MITD1: variants seen among roughly 807,000 people sequenced by gnomAD.
MITD1 encodes the protein MIT domain-containing protein 1.
A neutral mutation model predicts 34.9 loss-of-function variants in MITD1; 24 were observed. The ratio of observed to expected loss-of-function variants is 0.69; its 90% CI spans 0.50 to 0.97. The LOEUF is 0.97. Among genes scored for constraint, MITD1 ranks in the 50% least tolerant of loss-of-function variants. MITD1 has a pLI of 0.00. For missense variants in MITD1, 266 were observed against 294.6 expected (o/e 0.90, Z 0.71); for synonymous variants, 102 against 101.4 (o/e 1.01, Z -0.04).
intron 7 of MITD1, chr2:99,163,103 G>A: frequency 7.4e-7 from 1 of 1,355,726 alleles, no homozygotes; most frequent in Non-Finnish European, 9.7e-7. Context: ...TCTTAATACA[G>A]TTTCAATTAG....
downstream of MITD1, among the ~76,000 whole-genome samples, chr2:99,166,858 A>AATATATATATATATATATAT (rs10584187): frequency 1.0e-3 from 117 of 115,356 alleles, 1 homozygote; most frequent in South Asian, 2.5e-3. Flanking sequence ...TGGGGTTTTA[A>AATATATATATATATATATAT]ATATATATAT....
rs193194065 is a variant in MITD1 at position 99,170,683 on chromosome 2, G to A, written c.478-31C>T. 93 of 1,032,020 alleles carry A rather than the reference G, an allele frequency of 9.0e-5. No individual in the cohort carries two copies. The African/African-American group carries it at 1.1e-3, about 13-fold the overall frequency. The allele number at this position is 1,032,020 out of a possible 1,614,324, so 63.9% of individuals were successfully genotyped here. On this transcript the variant is annotated intron_variant, in intron 4 of 6. Transcript: ENST00000289359. ...AATAGCAAAAATACGATTATCTGCC[G>A]CAGTTATTATTACTATCTTAAATTA...
chr2:99,168,727 T>C (rs1053597237), downstream of MITD1, among the ~76,000 whole-genome samples: 1 of 152,156 alleles, frequency 6.6e-6, no homozygotes, highest in African/African-American at 2.4e-5. Flanking sequence ...ATTCTCTTAA[T>C]TGTAACAAAA....
At chr2:99,170,178 T>G (rs2093847848) in intron 5 of MITD1, among the ~76,000 whole-genome samples, 1 of 152,130 alleles carries the variant, frequency 6.6e-6, no homozygotes, top group African/African-American at 2.4e-5. Context: ...CCCTAAGAAG[T>G]AAAGCCACAT....
intron 1 of MITD1, among the ~76,000 whole-genome samples, chr2:99,176,672 G>A (rs1336305701): frequency 2.0e-5 from 3 of 146,868 alleles, no homozygotes; most frequent in Non-Finnish European, 4.6e-5. Flanking sequence ...GTGTATGTGT[G>A]CGTGTGTGTG....
chr2:99,178,653 G>A (rs1040076491), intron 1 of MITD1, among the ~76,000 whole-genome samples: 4 of 152,190 alleles, frequency 2.6e-5, no homozygotes, highest in African/African-American at 9.7e-5. Flanking sequence ...TGGTATTTGT[G>A]TAAAGGCCTG....
intron 2 of MITD1, 119 bp from the exon 3 acceptor site, chr2:99,171,765 C>T (rs2093859720): frequency 3.2e-6 from 3 of 944,480 alleles, no homozygotes; most frequent in Admixed American, 2.6e-5. Flanking sequence ...ACTTATTCAG[C>T]AAATACTTAT....
rs370947293 is a variant in MITD1 at position 99,162,781 on chromosome 2, A to G, written c.*4-563T>C. 41 of 1,614,036 alleles carry G rather than the reference A, an allele frequency of 2.5e-5. No homozygotes were observed. The highest frequency in any genetic ancestry group is 3.3e-5 in the Non-Finnish European group (39 of 1,179,978). ...CAAACTTGGGAGTGGATATATGGCA[A>G]AACTCCAAAGTTTAGTATAAATACT... On this transcript the variant is annotated intron_variant, in intron 7 of 7. Transcript: ENST00000422537.
chr2:99,176,639 T>C (rs2093888695), intron 1 of MITD1, among the ~76,000 whole-genome samples: 1 of 151,956 alleles, frequency 6.6e-6, no homozygotes, highest in African/African-American at 2.4e-5. Flanking sequence ...TCGTAAACTT[T>C]CTTAAAACAT....
At chr2:99,180,089 G>T (rs984077111) in intron 1 of MITD1, among the ~76,000 whole-genome samples, 4 of 152,082 alleles carry the variant, frequency 2.6e-5, no homozygotes, top group Non-Finnish European at 5.9e-5. Flanking sequence ...TGGGTGTTAA[G>T]GAATATTTGG....
intron 1 of MITD1, among the ~76,000 whole-genome samples, chr2:99,174,251 A>G (rs991794317): frequency 6.6e-6 from 1 of 152,164 alleles, no homozygotes; most frequent in Non-Finnish European, 1.5e-5. Flanking sequence ...ACTATGTCTC[A>G]TCTCTGGGAC....
intron 1 of MITD1, among the ~76,000 whole-genome samples, chr2:99,179,374 T>TA (rs2093903132): frequency 6.6e-6 from 1 of 152,152 alleles, no homozygotes; most frequent in Non-Finnish European, 1.5e-5. Flanking sequence ...CAATACTTTT[T>TA]ATGCTGTAAA....
chr2:99,177,782 C>T (rs2093896173), intron 1 of MITD1, among the ~76,000 whole-genome samples: 2 of 152,094 alleles, frequency 1.3e-5, no homozygotes, highest in African/African-American at 2.4e-5. Flanking sequence ...GGATTGCAGG[C>T]GTGAGCCACT....
In MITD1 at chr2:99,171,577, C is replaced by T. The variant is rs547453688; in HGVS notation, c.323G>A (p.Arg108His). 111 of 1,612,700 alleles carry T rather than the reference C, an allele frequency of 6.9e-5. No homozygotes were observed. The Middle Eastern group carries it at 8.3e-4, about 12-fold the overall frequency. ...ATGFSYESLF[R>H]EYLNETVTEV... ...TGTAACTGTCTCATTAAGGTATTCG[C>T]GAAAAAGTGACTCATAACTGAAACC... is the stretch of plus-strand genomic sequence containing the variant. The change falls in exon 3 of 7, where the codon CGC becomes CAC. Residue 108 changes from arginine (R) to histidine (H), a missense_variant. Arg to His is a conservative substitution (Grantham distance 29). Transcript: ENST00000289359.
chr2:99,162,188 TCAAAATCC>T, exon 8 of MITD1: 1 of 1,614,080 alleles, frequency 6.2e-7, no homozygotes, highest in Non-Finnish European at 8.5e-7. Flanking sequence ...TTGGTAGGCA[TCAAAATCC>T]TTGGCAGGAA....
chr2:99,181,029 G>C lies in MITD1; in HGVS notation c.-48C>G. 6.3e-7 allele frequency: 1 copy of C among 1,577,684 alleles called. No homozygotes were observed. The highest frequency in any genetic ancestry group is 2.3e-5 in the East Asian group (1 of 43,318). The stretch of plus-strand genomic sequence containing the variant: ...CTCAACCCAGGATGAAGTTGAGCGG[G>C]TCTGCTGCGCTTCCGGGAAGTGGTC... On this transcript the variant is annotated 5_prime_UTR_variant, in exon 1 of 7. Coordinates refer to ENST00000289359, the MANE Select transcript of MITD1 (RefSeq NM_138798.3).
chr2:99,169,593 A>G lies in MITD1; in HGVS notation c.611T>C (p.Met204Thr). Residue 204 changes from methionine to threonine, a missense_variant, in exon 6 of 7, where the codon ATG becomes ACG. Met to Thr is a moderately conservative substitution (Grantham distance 81). Coordinates refer to ENST00000289359, the MANE Select transcript of MITD1 (RefSeq NM_138798.3). ...DREIRFNNGW[M>T]IKIGRGLDYF... Reference sequence around the variant, plus strand: ...ATCAAGTCCCCTTCCAATCTTAATCATCCATCCATTGTTGAACCTGTTGAA... The same window carrying G: ...ATCAAGTCCCCTTCCAATCTTAATCGTCCATCCATTGTTGAACCTGTTGAA... The G allele has an allele frequency of 6.2e-7, 1 of 1,607,534 alleles. No individual in the cohort carries two copies. The highest frequency in any genetic ancestry group is 8.5e-7 in the Non-Finnish European group (1 of 1,174,156).
At chr2:99,173,090 T>C (rs1010237308) in intron 2 of MITD1, 1 of 159,654 alleles carries the variant, frequency 6.3e-6, no homozygotes, top group African/African-American at 2.4e-5. Flanking sequence ...ATTTCATCAA[T>C]GTTTTGGAGT....
At chr2:99,173,653 C>T (rs1177795490) in intron 2 of MITD1, 2 of 508,340 alleles carry the variant, frequency 3.9e-6, no homozygotes, top group South Asian at 2.0e-5. Context: ...GAACATTCTC[C>T]AGTAAGTATA....
Sources: gnomAD v4.1 joint callset for allele counts (sites outside exome capture counted in the v4.1 genomes callset) on GRCh38, gnomAD v4.1.1 for gene constraint, MANE v1.5 for transcripts, NCBI Gene and HGNC (gene_info 2026-07-23, HGNC 2026-07-21) for gene names.